The following TANC1 variants were observed in gnomAD, a reference collection of about 807,000 sequenced individuals.
The protein encoded by TANC1 is tetratricopeptide repeat, ankyrin repeat and coiled-coil containing 1.
Under a neutral mutation model 149.7 loss-of-function variants are expected in TANC1, and 77 were observed. That is an observed-to-expected ratio of 0.51 (90% CI 0.43 to 0.62). The LOEUF (loss-of-function observed/expected upper bound fraction) is 0.62. TANC1 is among the 20% of genes least tolerant of loss of function. The pLI is 0.00. For missense variants in TANC1, 1,985 were observed against 2,321.8 expected, an observed-to-expected ratio of 0.85 and a Z score of 2.98; for synonymous variants, 854 against 925.0, an observed-to-expected ratio of 0.92 and a Z score of 1.39.
chr2:159,198,333 C>T (rs989154154), intron 18 of TANC1, among the ~76,000 whole-genome samples: 3 of 152,188 alleles, frequency 2.0e-5, no homozygotes, highest in Admixed American at 1.3e-4. Context: ...CATTATTCAG[C>T]CTACCACAAA....
At chr2:159,217,311 G>C (rs534430603) in intron 19 of TANC1, among the ~76,000 whole-genome samples, 186 bp from the exon 20 acceptor site, 3 of 152,310 alleles carry the variant, frequency 2.0e-5, no homozygotes, top group Non-Finnish European at 4.4e-5. Context: ...CCTGGGCCTT[G>C]ACATGCACAC....
chr2:159,130,081 C>T (rs1371190610), intron 4 of TANC1, among the ~76,000 whole-genome samples: 2 of 152,198 alleles, frequency 1.3e-5, no homozygotes, highest in Non-Finnish European at 2.9e-5. Context: ...GGAGACATGC[C>T]AGCTCCTAGA....
chr2:158,990,150 C>T (rs2035467893), intron 1 of TANC1, among the ~76,000 whole-genome samples: 2 of 151,856 alleles, frequency 1.3e-5, no homozygotes, highest in Admixed American at 6.6e-5. Flanking sequence ...CTCCTGACCT[C>T]GTGATCTGCC....
chr2:159,217,642 G>A lies in TANC1; in HGVS notation c.3378+12G>A, dbSNP rs371650658. ...AGGGGCATTGGCAGGTACCCAGGGGGCCCCTGAATGCTTCAGAAGCAATGA... is the reference window on the plus strand; with the variant it reads ...AGGGGCATTGGCAGGTACCCAGGGGACCCCTGAATGCTTCAGAAGCAATGA... On this transcript the variant is annotated intron_variant, in intron 20 of 26. Coordinates refer to ENST00000263635, the MANE Select transcript of TANC1 (RefSeq NM_033394.3). 4 of 1,613,560 alleles carry A rather than the reference G, an allele frequency of 2.5e-6. No homozygotes were observed. Among genetic ancestry groups the A allele is most frequent in the Non-Finnish European group, 3.4e-6 (4 of 1,179,876 alleles).
chr2:159,015,115 G>T (rs264614), intron 2 of TANC1, among the ~76,000 whole-genome samples: 1 of 152,140 alleles, frequency 6.6e-6, no homozygotes. Context: ...GAGGTTCTCC[G>T]TGAGGGGTCT....
At position 159,232,405 on chromosome 2, in the gene TANC1, G is replaced by C. The variant is rs1020493908; in HGVS notation, c.*1393G>C. 3.9e-5 allele frequency: 6 copies of C among 152,606 alleles called. No homozygotes were observed. The highest frequency in any genetic ancestry group is 1.4e-4 in the African/African-American group (6 of 41,448). The allele number at this position is 152,606 out of a possible 1,614,324, so 9.5% of individuals were successfully genotyped here. A position where few individuals can be genotyped will look rare whatever the true frequency, so the allele number is the denominator to read the frequency against. On this transcript the variant is annotated 3_prime_UTR_variant, in exon 27 of 27. Transcript: ENST00000263635. Reference sequence around the variant, plus strand: ...ATGTTTTAAAGTGAATTGTTGTAATGAAGTTCCTGTGAACATCATTATGGT... The same window carrying C: ...ATGTTTTAAAGTGAATTGTTGTAATCAAGTTCCTGTGAACATCATTATGGT...
chr2:159,171,364 A>G (rs7602512), intron 10 of TANC1, among the ~76,000 whole-genome samples: 149,963 of 152,332 alleles, frequency 0.98, 73,848 homozygotes, highest in East Asian at 1. Context: ...AGGCGCTGTG[A>G]CTCACATCTG....
chr2:159,037,029 C>T (rs1381871124), intron 2 of TANC1, among the ~76,000 whole-genome samples: 3 of 152,260 alleles, frequency 2.0e-5, no homozygotes, highest in Non-Finnish European at 4.4e-5. Context: ...CTGTTGTTTC[C>T]TGACTTTTTA....
At chr2:159,042,137 T>C (rs1225002979) in intron 2 of TANC1, among the ~76,000 whole-genome samples, 2 of 152,188 alleles carry the variant, frequency 1.3e-5, no homozygotes, top group Non-Finnish European at 2.9e-5. Flanking sequence ...TTTGAAGTCC[T>C]GGTGGGGAAG....
At chr2:159,115,205 T>A (rs996158888) in intron 4 of TANC1, among the ~76,000 whole-genome samples, 17 of 151,626 alleles carry the variant, frequency 1.1e-4, no homozygotes, top group African/African-American at 4.1e-4. Context: ...TGTATGTGTG[T>A]CCGTGTGTGT....
chr2:159,129,502 C>G (rs531201173), intron 4 of TANC1, among the ~76,000 whole-genome samples: 3 of 152,028 alleles, frequency 2.0e-5, no homozygotes, highest in Non-Finnish European at 4.4e-5. Flanking sequence ...TGGCCACATC[C>G]TTCCAGACTG....
chr2:159,074,600 G>C (rs549446115), intron 3 of TANC1, among the ~76,000 whole-genome samples: 20 of 152,182 alleles, frequency 1.3e-4, no homozygotes, highest in African/African-American at 4.6e-4. Flanking sequence ...CTTTGTGAGG[G>C]CTTGCTCTTC....
intron 2 of TANC1, among the ~76,000 whole-genome samples, chr2:159,051,611 T>C (rs1306937467): frequency 6.6e-6 from 1 of 151,892 alleles, no homozygotes; most frequent in African/African-American, 2.4e-5. Flanking sequence ...TATCCACCCA[T>C]AGGAATTAGC....
intron 14 of TANC1, among the ~76,000 whole-genome samples, chr2:159,179,877 G>A (rs941737745): frequency 1.3e-5 from 2 of 152,190 alleles, no homozygotes; most frequent in Non-Finnish European, 2.9e-5. Flanking sequence ...GTTCAGATAT[G>A]TATATGGCAA....
At chr2:159,182,963 A>T (rs2056642262) in intron 14 of TANC1, among the ~76,000 whole-genome samples, 1 of 152,258 alleles carries the variant, frequency 6.6e-6, no homozygotes, top group Non-Finnish European at 1.5e-5. Context: ...AAGACGTCGC[A>T]TCAGAATGAG....
chr2:159,221,416 G>T (rs998613164), intron 22 of TANC1, among the ~76,000 whole-genome samples: 8 of 152,054 alleles, frequency 5.3e-5, no homozygotes, highest in Non-Finnish European at 1.0e-4. Flanking sequence ...AATTCTAGTT[G>T]CAGTACTGTG....
intron 2 of TANC1, among the ~76,000 whole-genome samples, chr2:159,043,050 G>A (rs1253097089): frequency 6.6e-6 from 1 of 152,182 alleles, no homozygotes; most frequent in Admixed American, 6.5e-5. Context: ...CTCAGTTGAT[G>A]TCCTGACTCA....
At chr2:159,040,569 C>T (rs948895480) in intron 2 of TANC1, among the ~76,000 whole-genome samples, 4 of 152,168 alleles carry the variant, frequency 2.6e-5, no homozygotes, top group Non-Finnish European at 5.9e-5. Flanking sequence ...GAAGCTTGTG[C>T]ATGCATCATG....
Position 159,149,389 on chromosome 2 carries a change from C to CAA in TANC1, c.495+117_495+118insAA, listed in dbSNP as rs749701666. On this transcript the variant is annotated intron_variant, in intron 6 of 26. Coordinates refer to ENST00000263635, the MANE Select transcript of TANC1 (RefSeq NM_033394.3). Reference sequence around the variant, plus strand: ...ATTGTTCAGTTAAATGAGTTCTGGGCTGTTGTGTATTGAAATTTATTTCAA... The same window carrying CAA: ...ATTGTTCAGTTAAATGAGTTCTGGGCAATGTTGTGTATTGAAATTTATTTCAA... 6.9e-6 allele frequency: 10 copies of CAA among 1,453,718 alleles called. No individual in the cohort carries two copies. The African/African-American group carries it at 1.4e-4, about 20-fold the overall frequency. The allele number at this position is 1,453,718 out of a possible 1,614,324, so 90.1% of individuals were successfully genotyped here.
Sources: allele counts gnomAD v4.1 joint callset (sites outside exome capture counted in the v4.1 genomes callset), GRCh38; gene constraint gnomAD v4.1.1; transcripts MANE v1.5; gene names NCBI Gene and HGNC (gene_info 2026-07-23, HGNC 2026-07-21).